The following MTPN variants were observed in gnomAD, a reference collection of about 807,000 sequenced individuals.
MTPN encodes the protein myotrophin.
In MTPN, 2 loss-of-function variants were observed where a neutral mutation model predicts 13.5. The ratio of observed to expected loss-of-function variants is 0.15; its 90% CI spans 0.06 to 0.47. MTPN has a LOEUF of 0.47. MTPN is among the 20% of genes least tolerant of loss of function. MTPN has a pLI of 0.97. For synonymous variants in MTPN, 46 were observed against 51.7 expected (o/e 0.89, Z 0.48); for missense variants, 79 against 137.9 (o/e 0.57, Z 2.14).
chr7:135,934,616 TGACA>T (rs1178922200), intron 3 of MTPN, among the ~76,000 whole-genome samples: 5 of 152,212 alleles, frequency 3.3e-5, no homozygotes, highest in African/African-American at 9.6e-5. Context: ...AAATCAGACA[TGACA>T]GACAATTTGC....
At chr7:135,946,775 G>T (rs1402841570) in intron 3 of MTPN, among the ~76,000 whole-genome samples, 1 of 152,184 alleles carries the variant, frequency 6.6e-6, no homozygotes, top group Admixed American at 6.5e-5. Flanking sequence ...AATGACACAT[G>T]ATTATACAGG....
At chr7:135,933,266 A>AT (rs1248102194) in intron 3 of MTPN, among the ~76,000 whole-genome samples, 1 of 152,072 alleles carries the variant, frequency 6.6e-6, no homozygotes, top group Admixed American at 6.6e-5. Context: ...ATAACTTTAG[A>AT]TTTTATCTTT....
chr7:135,946,724 A>G (rs1799294069), intron 3 of MTPN, among the ~76,000 whole-genome samples: 1 of 152,216 alleles, frequency 6.6e-6, no homozygotes, highest in African/African-American at 2.4e-5. Flanking sequence ...TTTAGGGCAA[A>G]TAAAGGGGAA....
chr7:135,933,522 C>G (rs1799060819), intron 3 of MTPN, among the ~76,000 whole-genome samples: 2 of 152,122 alleles, frequency 1.3e-5, no homozygotes, highest in Admixed American at 1.3e-4. Context: ...CTTTTATATT[C>G]TGGTCTGTAA....
chr7:135,938,779 A>G (rs1248492534), intron 3 of MTPN, among the ~76,000 whole-genome samples: 1 of 152,222 alleles, frequency 6.6e-6, no homozygotes, highest in African/African-American at 2.4e-5. Flanking sequence ...ATAGTAAGAA[A>G]GAAACCAAGA....
intron 1 of MTPN, among the ~76,000 whole-genome samples, chr7:135,959,506 T>C (rs1033716047): frequency 9.2e-5 from 14 of 152,156 alleles, no homozygotes; most frequent in African/African-American, 3.4e-4. Context: ...AGTATAGAAT[T>C]AGATTAAGCT....
At chr7:135,940,664 G>T (rs148859972) in intron 3 of MTPN, among the ~76,000 whole-genome samples, 234 of 152,222 alleles carry the variant, frequency 1.5e-3, no homozygotes, top group African/African-American at 5.3e-3. Flanking sequence ...TCCAAATTTT[G>T]TATTCTATAC....
chr7:135,972,436 C>T (rs1232751604), intron 1 of MTPN, among the ~76,000 whole-genome samples: 1 of 152,172 alleles, frequency 6.6e-6, no homozygotes, highest in Non-Finnish European at 1.5e-5. Flanking sequence ...AAACATCTTG[C>T]AGAGTGCTTT....
In MTPN at chr7:135,970,996, G is replaced by C. The variant is rs145451195; in HGVS notation, c.72+6033C>G. 3.9e-3 allele frequency among the ~76,000 whole-genome samples: 598 copies of C among 152,278 alleles called. 3 individuals carry two copies. Among genetic ancestry groups the C allele is most frequent in the Non-Finnish European group, 6.7e-3 (458 of 68,014 alleles). On this transcript the variant is annotated intron_variant, in intron 1 of 3. Coordinates refer to ENST00000393085, the MANE Select transcript of MTPN (RefSeq NM_145808.4). ...AAAACCAATAAATGCAAAGTAGATTGAATCAGGACCTCTTTTAAATTGGCT... is the reference window on the plus strand; with the variant it reads ...AAAACCAATAAATGCAAAGTAGATTCAATCAGGACCTCTTTTAAATTGGCT...
chr7:135,956,689 C>T (rs1799448447), intron 1 of MTPN, among the ~76,000 whole-genome samples: 1 of 147,770 alleles, frequency 6.8e-6, no homozygotes, highest in Non-Finnish European at 1.5e-5. Flanking sequence ...TATATCGTCC[C>T]TTCTTTCTTT....
intron 3 of MTPN, among the ~76,000 whole-genome samples, chr7:135,934,641 A>C (rs572333483): frequency 6.6e-6 from 1 of 152,374 alleles, no homozygotes; most frequent in East Asian, 1.9e-4. Flanking sequence ...AACCTGACCT[A>C]TACTGTTCTG....
At chr7:135,965,186 T>C (rs1799586984) in intron 1 of MTPN, among the ~76,000 whole-genome samples, 2 of 152,120 alleles carry the variant, frequency 1.3e-5, no homozygotes, top group African/African-American at 4.8e-5. Context: ...AGCAAATACT[T>C]ACTACAGAAT....
In MTPN at chr7:135,950,592, A is replaced by C. The variant is rs1377569755; in HGVS notation, c.270+7T>G. 6.2e-7 allele frequency: 1 copy of C among 1,600,628 alleles called. No individual in the cohort carries two copies. Among genetic ancestry groups the C allele is most frequent in the Non-Finnish European group, 8.6e-7 (1 of 1,168,296 alleles). ...GAAAAAGCAATACTATTAGCAATTG[A>C]CCTCACCTTTGACAGAAGCAATTTC... On this transcript the variant is annotated splice_region_variant and intron_variant, in intron 3 of 3. Coordinates refer to ENST00000393085, the MANE Select transcript of MTPN (RefSeq NM_145808.4).
intron 1 of MTPN, among the ~76,000 whole-genome samples, chr7:135,956,017 A>T (rs1459625841): frequency 6.6e-6 from 1 of 152,214 alleles, no homozygotes; most frequent in Non-Finnish European, 1.5e-5. Flanking sequence ...TTACCACTTC[A>T]ATGTTGCACT....
chr7:135,968,727 GA>G (rs35463488), intron 1 of MTPN, among the ~76,000 whole-genome samples: 11,960 of 95,984 alleles, frequency 0.12, 480 homozygotes, highest in Admixed American at 0.17. Flanking sequence ...CAGCATTCCA[GA>G]AAAAAAAAAA....
intron 1 of MTPN, among the ~76,000 whole-genome samples, chr7:135,973,154 C>T (rs914679119): frequency 6.7e-6 from 1 of 150,324 alleles, no homozygotes; most frequent in Non-Finnish European, 1.5e-5. Flanking sequence ...TGCTTATATT[C>T]ATGTTATTGA....
At chr7:135,942,260 GTTC>G (rs1197921232) in intron 3 of MTPN, among the ~76,000 whole-genome samples, 2 of 152,100 alleles carry the variant, frequency 1.3e-5, no homozygotes, top group Admixed American at 6.6e-5. Flanking sequence ...TTGAAAGAAA[GTTC>G]TTCTCATAAA....
At chr7:135,938,005 A>G (rs923477659) in intron 3 of MTPN, among the ~76,000 whole-genome samples, 8 of 152,150 alleles carry the variant, frequency 5.3e-5, no homozygotes, top group African/African-American at 1.9e-4. Flanking sequence ...ACAGTAAGCT[A>G]TTAGTTTTTT....
At chr7:135,969,932 G>A (rs975951283) in intron 1 of MTPN, among the ~76,000 whole-genome samples, 1 of 152,166 alleles carries the variant, frequency 6.6e-6, no homozygotes, top group African/African-American at 2.4e-5. Flanking sequence ...GTCTGATGAT[G>A]CCCAGTGCTG....
Sources: gnomAD v4.1 joint callset for allele counts (sites outside exome capture counted in the v4.1 genomes callset) on GRCh38, gnomAD v4.1.1 for gene constraint, MANE v1.5 for transcripts, NCBI Gene and HGNC (gene_info 2026-07-23, HGNC 2026-07-21) for gene names.